CADM2: variants seen among roughly 807,000 people sequenced by gnomAD.
CADM2 encodes cell adhesion molecule 2, also known as immunoglobulin superfamily member 4D.
Under a neutral mutation model 49.8 loss-of-function variants are expected in CADM2, and 12 were observed. The ratio of observed to expected loss-of-function variants is 0.24; its 90% CI spans 0.15 to 0.39. The LOEUF (loss-of-function observed/expected upper bound fraction) is 0.39, where lower values mean the gene tolerates loss of function less well. Among genes scored for constraint, CADM2 ranks in the 10% least tolerant of loss-of-function variants. CADM2 has a pLI of 1.00. For missense variants in CADM2, 378 were observed against 492.3 expected, an observed-to-expected ratio of 0.77 and a Z score of 2.20; for synonymous variants, 214 against 175.4, an observed-to-expected ratio of 1.22 and a Z score of -1.74.
intron 1 of CADM2, among the ~76,000 whole-genome samples, chr3:85,033,222 C>A (rs1225489428): frequency 6.6e-6 from 1 of 152,114 alleles, no homozygotes; most frequent in African/African-American, 2.4e-5. Flanking sequence ...TCTCTAGCTG[C>A]CAACAGTAAT....
At chr3:85,788,142 A>G (rs1046969717) in intron 2 of CADM2, among the ~76,000 whole-genome samples, 1 of 152,062 alleles carries the variant, frequency 6.6e-6, no homozygotes, top group Non-Finnish European at 1.5e-5. Flanking sequence ...TGTTTTCCCA[A>G]CACATACTAT....
intron 1 of CADM2, among the ~76,000 whole-genome samples, chr3:85,701,725 G>T (rs1460918441): frequency 6.6e-6 from 1 of 151,998 alleles, no homozygotes; most frequent in East Asian, 1.9e-4. Flanking sequence ...TTCTAAACTG[G>T]TAAATTTTAC....
At chr3:85,571,421 T>A (rs2062471732) in intron 1 of CADM2, among the ~76,000 whole-genome samples, 1 of 149,562 alleles carries the variant, frequency 6.7e-6, no homozygotes, top group African/African-American at 2.4e-5. Context: ...TTTTTTTTTC[T>A]GCTGAAATTT....
At chr3:85,869,373 A>AT (rs1049985510) in intron 3 of CADM2, among the ~76,000 whole-genome samples, 3 of 151,986 alleles carry the variant, frequency 2.0e-5, no homozygotes, top group East Asian at 3.9e-4. Context: ...GCAGGAAGGT[A>AT]TTTTTTCAGA....
At chr3:85,738,784 G>A (rs2068253891) in intron 2 of CADM2, among the ~76,000 whole-genome samples, 2 of 152,050 alleles carry the variant, frequency 1.3e-5, no homozygotes, top group South Asian at 4.1e-4. Flanking sequence ...TACTAAAAGA[G>A]CATTTCTTAT....
chr3:85,371,677 GTATATATATATATA>G lies in CADM2; in HGVS notation c.62-354821_62-354808del, dbSNP rs1167720851. On this transcript the variant is annotated intron_variant, in intron 1 of 9. Coordinates refer to ENST00000383699, the MANE Select transcript of CADM2 (RefSeq NM_001167675.2). ...TATATATATATGTGTGTGTGTGTGT[GTATATATATATATA>G]TATATATATATATATATATATATTC... 6.3e-4 allele frequency among the ~76,000 whole-genome samples: 60 copies of G among 95,134 alleles called. 1 individual carries two copies. The highest frequency in any genetic ancestry group is 5.7e-3 in the Middle Eastern group (1 of 176). The allele number at this position is 95,134 out of a possible 152,430, so 62.4% of individuals were successfully genotyped here.
chr3:85,277,057 A>G (rs1203475926), intron 1 of CADM2, among the ~76,000 whole-genome samples: 4 of 151,598 alleles, frequency 2.6e-5, no homozygotes, highest in South Asian at 4.1e-4. Context: ...TTTGAAAAAG[A>G]AAAATGATAG....
chr3:85,813,006 A>T (rs536062329), intron 3 of CADM2, among the ~76,000 whole-genome samples: 1 of 152,252 alleles, frequency 6.6e-6, no homozygotes, highest in Non-Finnish European at 1.5e-5. Context: ...GCTGCAATAA[A>T]CATATGTGTG....
intron 1 of CADM2, among the ~76,000 whole-genome samples, chr3:85,627,686 G>C (rs1426908747): frequency 6.6e-6 from 1 of 151,824 alleles, no homozygotes; most frequent in African/African-American, 2.4e-5. Flanking sequence ...TGATGCACAA[G>C]AAAGAGGAAG....
chr3:85,595,232 A>G lies in CADM2; in HGVS notation c.62-131290A>G, dbSNP rs143085466. ...ATGAAATCAGAGGGTTTCATCTATT[A>G]GAGTAGATGGGTATGGAGGTGCCCT... is the stretch of plus-strand genomic sequence containing the variant. On this transcript the variant is annotated intron_variant, in intron 1 of 9. Transcript: ENST00000383699. Among the ~76,000 whole-genome samples the G allele has an allele frequency of 2.1e-3, 325 of 152,080 alleles. 3 individuals are homozygous for G. The East Asian group carries it at 0.044, about 21-fold the overall frequency.
chr3:85,901,680 C>A (rs1196818427), intron 5 of CADM2, among the ~76,000 whole-genome samples: 2 of 152,108 alleles, frequency 1.3e-5, no homozygotes, highest in Non-Finnish European at 2.9e-5. Context: ...TCATCAAATT[C>A]ATGTATACAA....
At chr3:85,307,146 A>T (rs2044232550) in intron 1 of CADM2, among the ~76,000 whole-genome samples, 1 of 151,626 alleles carries the variant, frequency 6.6e-6, no homozygotes, top group South Asian at 2.1e-4. Flanking sequence ...TGTATATATT[A>T]ATTTACGTAT....
chr3:85,012,843 C>T (rs935073765), intron 1 of CADM2, among the ~76,000 whole-genome samples: 17 of 151,276 alleles, frequency 1.1e-4, no homozygotes, highest in African/African-American at 4.1e-4. Context: ...TTGATGGAGC[C>T]AATTATCTGC....
intron 1 of CADM2, among the ~76,000 whole-genome samples, chr3:84,985,814 C>T (rs1341627242): frequency 6.6e-6 from 1 of 152,126 alleles, no homozygotes; most frequent in Non-Finnish European, 1.5e-5. Flanking sequence ...GTTAATGCAT[C>T]AGTAAGTGAA....
At chr3:85,457,346 A>C (rs1307044359) in intron 1 of CADM2, among the ~76,000 whole-genome samples, 2 of 152,016 alleles carry the variant, frequency 1.3e-5, no homozygotes, top group Non-Finnish European at 2.9e-5. Context: ...CTAGGAGGTC[A>C]AGGCTGCAGT....
intron 2 of CADM2, among the ~76,000 whole-genome samples, chr3:85,740,939 A>G (rs2068355557): frequency 6.6e-6 from 1 of 152,212 alleles, no homozygotes; most frequent in Non-Finnish European, 1.5e-5. Context: ...AGCTTTATCC[A>G]GAATAGTCCA....
chr3:85,703,043 C>T (rs151128486), intron 1 of CADM2, among the ~76,000 whole-genome samples: 1 of 152,228 alleles, frequency 6.6e-6, no homozygotes, highest in African/African-American at 2.4e-5. Flanking sequence ...GAAATGCACA[C>T]AAACACACAT....
chr3:85,984,203 A>G (rs1426637719), intron 8 of CADM2, among the ~76,000 whole-genome samples: 1 of 150,618 alleles, frequency 6.6e-6, no homozygotes, highest in Non-Finnish European at 1.5e-5. Flanking sequence ...GTATGCACAT[A>G]TATTATACAT....
chr3:85,365,666 A>G (rs2032732967), intron 1 of CADM2, among the ~76,000 whole-genome samples: 2 of 152,178 alleles, frequency 1.3e-5, no homozygotes, highest in African/African-American at 2.4e-5. Flanking sequence ...TACAGAGATG[A>G]CACTTAAAAT....
Sources: allele counts gnomAD v4.1 joint callset (sites outside exome capture counted in the v4.1 genomes callset), GRCh38; gene constraint gnomAD v4.1.1; transcripts MANE v1.5; gene names NCBI Gene and HGNC (gene_info 2026-07-23, HGNC 2026-07-21).